PDCD4: variants seen among roughly 807,000 people sequenced by gnomAD.
PDCD4 encodes programmed cell death protein 4.
Under a neutral mutation model 54.0 loss-of-function variants are expected in PDCD4, and 56 were observed. The ratio of observed to expected loss-of-function variants is 1.04; its 90% CI spans 0.84 to 1.30. The LOEUF is 1.30. Among genes scored for constraint, PDCD4 ranks in the 50% most tolerant of loss-of-function variants. The pLI is 0.00. For synonymous variants in PDCD4, 186 were observed against 194.8 expected (o/e 0.95, Z 0.37); for missense variants, 584 against 559.8 (o/e 1.04, Z -0.44).
At chr10:110,873,662 T>A (rs1845457617) in intron 1 of PDCD4, among the ~76,000 whole-genome samples, 1 of 152,220 alleles carries the variant, frequency 6.6e-6, no homozygotes, top group African/African-American at 2.4e-5. Context: ...TATATTTTCT[T>A]GTTTGGGCCA....
At position 110,884,919 on chromosome 10, in the gene PDCD4, G is replaced by T. The variant is rs547867254; in HGVS notation, c.442-334G>T. On this transcript the variant is annotated intron_variant, in intron 4 of 11. Coordinates refer to ENST00000280154, the MANE Select transcript of PDCD4 (RefSeq NM_014456.5). ...AGAGATCCTTCTGCCTCAGCTTCCT[G>T]AGTAGCTAGGACTACAGGGGCAAGC... The T allele has an allele frequency of 1.4e-4, 23 of 164,784 alleles. No individual in the cohort carries two copies. The South Asian group carries it at 4.3e-3, about 31-fold the overall frequency. 10.2% of individuals were successfully genotyped at this position (164,784 alleles called of 1,614,324 possible).
intron 2 of PDCD4, among the ~76,000 whole-genome samples, chr10:110,880,715 G>A (rs1429662940): frequency 6.6e-6 from 1 of 152,174 alleles, no homozygotes; most frequent in Non-Finnish European, 1.5e-5. Context: ...CTCAGCCTTA[G>A]TTTCCTTATC....
At chr10:110,884,920 A>C (rs1845645887) in intron 4 of PDCD4, 1 of 164,974 alleles carries the variant, frequency 6.1e-6, no homozygotes, top group South Asian at 1.9e-4. Context: ...CAGCTTCCTG[A>C]GTAGCTAGGA....
chr10:110,883,092 G>A lies in PDCD4; in HGVS notation c.436G>A (p.Asp146Asn). The A allele has an allele frequency of 6.4e-7, 1 of 1,569,800 alleles. No homozygotes were observed. The change falls in exon 4 of 12, where the codon GAC becomes AAC. Residue 146 changes from aspartate (D) to asparagine (N), a missense_variant. By Grantham distance (23) the Asp-to-Asn change is conservative (BLOSUM62 1). Transcript: ENST00000280154. ...TGTGAAAGATCCTAACTATGATGAT[G>A]ACCAGGTATCAGTGCTTTGCTTTTT... ...VDVKDPNYDDDQENCVYETVV... is the reference protein window; with the variant it reads ...VDVKDPNYDDNQENCVYETVV...
At chr10:110,890,159 T>G (rs1845733537) in intron 7 of PDCD4, among the ~76,000 whole-genome samples, 1 of 152,226 alleles carries the variant, frequency 6.6e-6, no homozygotes, top group African/African-American at 2.4e-5. Flanking sequence ...CTTGGAGACT[T>G]GGACTCAGCC....
Position 110,889,542 on chromosome 10 carries a change from C to A in PDCD4, c.787C>A (p.Gln263Lys). Residue 263 changes from glutamine (Q) to lysine (K), a missense_variant, in exon 7 of 12, where the codon CAG becomes AAG. Physicochemically the swap from Gln to Lys is moderately conservative, Grantham distance 53. Coordinates refer to ENST00000280154, the MANE Select transcript of PDCD4 (RefSeq NM_014456.5). The part of the protein sequence containing the change: ...DTPRAPQLVG[Q>K]FIARAVGDGI... ...TTTTTCCTTTTTACAGTTGGTGGGCCAGTTTATTGCTAGAGCTGTTGGAGA... is the reference window on the plus strand; with the variant it reads ...TTTTTCCTTTTTACAGTTGGTGGGCAAGTTTATTGCTAGAGCTGTTGGAGA... The A allele has an allele frequency of 6.3e-7, 1 of 1,585,510 alleles. No homozygotes were observed. The highest frequency in any genetic ancestry group is 8.6e-7 in the Non-Finnish European group (1 of 1,160,470).
intron 6 of PDCD4, among the ~76,000 whole-genome samples, chr10:110,888,112 C>T (rs1022307402): frequency 1.3e-5 from 2 of 151,100 alleles, no homozygotes; most frequent in Non-Finnish European, 2.9e-5. Flanking sequence ...GTACTTTTCC[C>T]CTATGATCTG....
chr10:110,896,489 T>C (rs1845834382), intron 11 of PDCD4, among the ~76,000 whole-genome samples: 1 of 152,172 alleles, frequency 6.6e-6, no homozygotes, highest in African/African-American at 2.4e-5. Context: ...CTCTTACCTG[T>C]ACTGGATGTG....
At chr10:110,880,145 G>A (rs529461601) in intron 2 of PDCD4, among the ~76,000 whole-genome samples, 2 of 152,322 alleles carry the variant, frequency 1.3e-5, no homozygotes, top group East Asian at 3.9e-4. Context: ...TGGAATTTGA[G>A]TATGAAGGAC....
At chr10:110,878,690 T>A (rs958415138) in intron 2 of PDCD4, among the ~76,000 whole-genome samples, 3 of 152,236 alleles carry the variant, frequency 2.0e-5, no homozygotes, top group Non-Finnish European at 4.4e-5. Context: ...ATTAAAAATG[T>A]GGGTTTGAAT....
chr10:110,898,270 T>G lies in PDCD4; in HGVS notation c.*182T>G. Reference sequence around the variant, plus strand: ...AAGGAAATGTTTTTTCTTTTTTTTTTGTTTTTCGAGGGGGCAAGGAGGGAC... The same window carrying G: ...AAGGAAATGTTTTTTCTTTTTTTTTGGTTTTTCGAGGGGGCAAGGAGGGAC... On this transcript the variant is annotated 3_prime_UTR_variant, in exon 12 of 12. Transcript: ENST00000280154. The G allele has an allele frequency of 5.0e-6, 2 of 397,926 alleles. No individual in the cohort carries two copies. Among genetic ancestry groups the G allele is most frequent in the East Asian group, 3.7e-5 (1 of 26,864 alleles). The allele number at this position is 397,926 out of a possible 1,614,324, so 24.6% of individuals were successfully genotyped here. A position where few individuals can be genotyped will look rare whatever the true frequency, so the allele number is the denominator to read the frequency against.
rs949104322 is a variant in PDCD4 at position 110,885,420 on chromosome 10, T to C, written c.555+54T>C. ...TTTAATATAGGAGAGAAGACATCTT[T>C]TATAAGCAAAATACATCTACAATGA... On this transcript the variant is annotated intron_variant, in intron 5 of 11. Coordinates refer to ENST00000280154, the MANE Select transcript of PDCD4 (RefSeq NM_014456.5). The C allele has an allele frequency of 1.3e-5, 10 of 769,252 alleles. No homozygotes were observed. In the South Asian group the frequency reaches 1.5e-4, roughly 11 times the overall value. The allele number at this position is 769,252 out of a possible 1,614,324, so 47.7% of individuals were successfully genotyped here.
chr10:110,889,531 A>C lies in PDCD4; in HGVS notation c.778-2A>C. ...TAGCTCTTTTTTTTTTCCTTTTTACAGTTGGTGGGCCAGTTTATTGCTAGA... is the reference window on the plus strand; with the variant it reads ...TAGCTCTTTTTTTTTTCCTTTTTACCGTTGGTGGGCCAGTTTATTGCTAGA... On this transcript the variant is annotated splice_acceptor_variant, in intron 6 of 11. Transcript: ENST00000280154. LOFTEE classifies it high-confidence loss of function. 6.5e-7 allele frequency: 1 copy of C among 1,541,260 alleles called. No homozygotes were observed. The highest frequency in any genetic ancestry group is 8.9e-7 in the Non-Finnish European group (1 of 1,129,446).
chr10:110,889,441 C>T, intron 6 of PDCD4, 92 bp from the exon 7 acceptor site: 1 of 769,210 alleles, frequency 1.3e-6, no homozygotes, highest in South Asian at 1.5e-5. Flanking sequence ...CTGTGTACTT[C>T]AGCTAATCTT....
chr10:110,872,008 G>A lies in PDCD4; in HGVS notation c.-73G>A, dbSNP rs1845415037. ...CAGGAACCTGGGCGAGCAGCGGCGG[G>A]GGCCCGAGGGGTCAGTACCAGTAGG... On this transcript the variant is annotated 5_prime_UTR_variant, in exon 1 of 12. Transcript: ENST00000280154. 1.3e-5 allele frequency: 2 copies of A among 152,762 alleles called. No individual in the cohort carries two copies. The highest frequency in any genetic ancestry group is 2.4e-5 in the African/African-American group (1 of 41,482). 9.5% of individuals were successfully genotyped at this position (152,762 alleles called of 1,614,324 possible).
chr10:110,873,269 G>C (rs1180460430), intron 1 of PDCD4, among the ~76,000 whole-genome samples: 1 of 152,188 alleles, frequency 6.6e-6, no homozygotes, highest in Non-Finnish European at 1.5e-5. Flanking sequence ...ATTATCTGTA[G>C]TGCTTGCTTT....
Position 110,898,825 on chromosome 10 carries a change from T to G in PDCD4, c.*737T>G, listed in dbSNP as rs139237079. On this transcript the variant is annotated 3_prime_UTR_variant, in exon 12 of 12. Transcript: ENST00000280154. ...ATTTTGAATCTCATAAGGAAGCATA[T>G]TTGAACCTAGTCAATTTAATCTTAG... 1.2e-4 allele frequency: 19 copies of G among 152,746 alleles called. No homozygotes were observed. The East Asian group carries it at 3.7e-3, about 29-fold the overall frequency. The allele number at this position is 152,746 out of a possible 1,614,324, so 9.5% of individuals were successfully genotyped here. A position where few individuals can be genotyped will look rare whatever the true frequency, so the allele number is the denominator to read the frequency against.
At chr10:110,891,975 A>G (rs1845764775) in intron 8 of PDCD4, among the ~76,000 whole-genome samples, 2 of 152,114 alleles carry the variant, frequency 1.3e-5, no homozygotes, top group African/African-American at 4.8e-5. Context: ...ACATTTTTTA[A>G]CTCCCCAAAA....
chr10:110,874,784 G>A (rs2031129), intron 1 of PDCD4, among the ~76,000 whole-genome samples: 151,813 of 152,280 alleles, frequency 1, 75,673 homozygotes, highest in East Asian at 1. Context: ...TTAGCAAATA[G>A]TAGTACATAA....
Sources: gnomAD v4.1 joint callset for allele counts (sites outside exome capture counted in the v4.1 genomes callset) on GRCh38, gnomAD v4.1.1 for gene constraint, MANE v1.5 for transcripts, NCBI Gene and HGNC (gene_info 2026-07-23, HGNC 2026-07-21) for gene names.